Variants in ACVR1C observed in about 807,000 individuals in gnomAD.
The protein encoded by ACVR1C is activin A receptor type 1C, also known as activin receptor type-1C.
In ACVR1C, 23 loss-of-function variants were observed where a neutral mutation model predicts 57.9. The observed-to-expected ratio is 0.40, with a 90% confidence interval of 0.29 to 0.56. The LOEUF is 0.56. Ranked by LOEUF, ACVR1C falls within the 20% of genes least tolerant of loss-of-function variation. The pLI, the probability that ACVR1C is intolerant of heterozygous loss-of-function variation, is 0.50. For missense variants in ACVR1C, 480 were observed against 607.9 expected (o/e 0.79, Z 2.21); for synonymous variants, 214 against 215.3 (o/e 0.99, Z 0.05).
At chr2:157,608,796 G>A (rs1202295849) in intron 1 of ACVR1C, among the ~76,000 whole-genome samples, 2 of 151,734 alleles carry the variant, frequency 1.3e-5, no homozygotes, top group Non-Finnish European at 3.0e-5. Context: ...ATGGTCTTTT[G>A]TATTTTTGTG....
chr2:157,556,146 C>A lies in ACVR1C; in HGVS notation c.491G>T (p.Gly164Val), dbSNP rs1688093955. Reference protein sequence around the residue: ...PLSECNLVNAGKTLKDLIYDV... With the variant: ...PLSECNLVNAVKTLKDLIYDV... ...ATAAATCAGATCTTTCAGAGTTTTT[C>A]CAGCATTTACCAGATTGCACTCAGA... is the stretch of plus-strand genomic sequence containing the variant. The change falls in exon 3 of 9, where the codon GGA becomes GTA. Residue 164 changes from glycine (G) to valine (V), a missense_variant. Gly to Val is a moderately radical substitution (Grantham distance 109). Coordinates refer to ENST00000243349, the MANE Select transcript of ACVR1C (RefSeq NM_145259.3). The A allele has an allele frequency of 6.2e-7, 1 of 1,613,912 alleles. No homozygotes were observed.
Position 157,531,747 on chromosome 2 carries a change from G to A in ACVR1C, c.*2171C>T, listed in dbSNP as rs1484857874. On this transcript the variant is annotated 3_prime_UTR_variant, in exon 9 of 9. Transcript: ENST00000243349. Reference sequence around the variant, plus strand: ...CACATAGGCACTTTTAAAAACTGATGATATATTTAGATTGTCTGTAATATC... The same window carrying A: ...CACATAGGCACTTTTAAAAACTGATAATATATTTAGATTGTCTGTAATATC... 6.6e-6 allele frequency: 1 copy of A among 152,032 alleles called. No homozygotes were observed. Among genetic ancestry groups the A allele is most frequent in the Non-Finnish European group, 1.5e-5 (1 of 67,966 alleles). The allele number at this position is 152,032 out of a possible 1,614,324, so 9.4% of individuals were successfully genotyped here. A position where few individuals can be genotyped will look rare whatever the true frequency, so the allele number is the denominator to read the frequency against.
intron 2 of ACVR1C, among the ~76,000 whole-genome samples, chr2:157,575,039 G>T (rs1316789643): frequency 2.0e-5 from 3 of 152,088 alleles, no homozygotes; most frequent in Non-Finnish European, 4.4e-5. Context: ...ATAGCTCACT[G>T]CAGCCTTGGC....
chr2:157,577,939 G>A (rs1688703612), intron 2 of ACVR1C, among the ~76,000 whole-genome samples: 1 of 152,076 alleles, frequency 6.6e-6, no homozygotes, highest in African/African-American at 2.4e-5. Context: ...GGAGTGCAGT[G>A]GCAGCCAGGT....
chr2:157,610,410 C>T (rs1682506602), intron 1 of ACVR1C, among the ~76,000 whole-genome samples: 1 of 152,064 alleles, frequency 6.6e-6, no homozygotes, highest in Non-Finnish European at 1.5e-5. Flanking sequence ...AAAATTCAGC[C>T]TTTAAAAAGA....
At chr2:157,538,501 T>A (rs1248477908) in intron 8 of ACVR1C, 72 bp downstream of exon 8, 1 of 1,322,744 alleles carries the variant, frequency 7.6e-7, no homozygotes, top group Non-Finnish European at 9.9e-7. Context: ...AACTATATGG[T>A]CTCTGAAAAG....
chr2:157,538,760 T>C (rs1040105126), intron 7 of ACVR1C, 57 bp from the exon 8 acceptor site: 57 of 1,374,358 alleles, frequency 4.1e-5, no homozygotes, highest in Non-Finnish European at 5.2e-5. Flanking sequence ...AACATGTCTA[T>C]TTTAAATAAT....
chr2:157,614,283 C>A lies in ACVR1C; in HGVS notation c.73+14289G>T, dbSNP rs557107109. Among the ~76,000 whole-genome samples the A allele has an allele frequency of 3.9e-5, 6 of 152,192 alleles. 1 individual carries two copies. Among genetic ancestry groups the A allele is most frequent in the African/African-American group, 1.4e-4 (6 of 41,550 alleles). On this transcript the variant is annotated intron_variant, in intron 1 of 8. Coordinates refer to ENST00000243349, the MANE Select transcript of ACVR1C (RefSeq NM_145259.3). ...ATCTAGCTAAGGTGAACCACTTTGA[C>A]CTACAAGTATGTAGAAGTTCATTGC...
chr2:157,589,972 T>A (rs1384403985), intron 1 of ACVR1C, among the ~76,000 whole-genome samples: 1 of 151,820 alleles, frequency 6.6e-6, no homozygotes, highest in Non-Finnish European at 1.5e-5. Flanking sequence ...GAAAAGTGGA[T>A]AGCTACACAT....
chr2:157,573,126 TA>T (rs1688562179), intron 2 of ACVR1C, among the ~76,000 whole-genome samples: 1 of 152,244 alleles, frequency 6.6e-6, no homozygotes, highest in Non-Finnish European at 1.5e-5. Flanking sequence ...CAGTTTGCTT[TA>T]AAATTATTAG....
rs1406536009 is a variant in ACVR1C at position 157,528,764 on chromosome 2, AG to A, written c.*5153del. The A allele has an allele frequency of 1.3e-5, 2 of 152,200 alleles. No homozygotes were observed. Among genetic ancestry groups the A allele is most frequent in the African/African-American group, 4.8e-5 (2 of 41,468 alleles). 9.4% of individuals were successfully genotyped at this position (152,200 alleles called of 1,614,324 possible). The stretch of plus-strand genomic sequence containing the variant: ...AGACATTCTTTATATGTTAGCTAAA[AG>A]CTAGAATACAAATAACAGCTAGTCT... On this transcript the variant is annotated 3_prime_UTR_variant, in exon 9 of 9. Coordinates refer to ENST00000243349, the MANE Select transcript of ACVR1C (RefSeq NM_145259.3).
In ACVR1C at chr2:157,618,485, T is replaced by C. The variant is rs147475480; in HGVS notation, c.73+10087A>G. 6.2e-3 allele frequency among the ~76,000 whole-genome samples: 935 copies of C among 151,786 alleles called. 11 individuals carry two copies. Among genetic ancestry groups the C allele is most frequent in the African/African-American group, 0.021 (861 of 41,506 alleles). ...ATGTGTATGTTGTAAATGCTCCAGT[T>C]AAAAGACAAGTATGTAAGACAGGAT... On this transcript the variant is annotated intron_variant, in intron 1 of 8. Transcript: ENST00000243349.
At chr2:157,550,054 G>C in intron 4 of ACVR1C, 108 bp downstream of exon 4, 1 of 871,088 alleles carries the variant, frequency 1.1e-6, no homozygotes, top group Non-Finnish European at 1.7e-6. Context: ...AAAAGAAGAG[G>C]TGAATTTATT....
rs201807634 is a variant in ACVR1C, at chr2:157,540,207, T to C, written c.1225+883A>G. On this transcript the variant is annotated intron_variant, in intron 7 of 8. Coordinates refer to ENST00000243349, the MANE Select transcript of ACVR1C (RefSeq NM_145259.3). ...TGAAATCAGACATTCAAGGAATTGCTAAACCAACGCTTAGTCCTAAGTCTG... is the reference window on the plus strand; with the variant it reads ...TGAAATCAGACATTCAAGGAATTGCCAAACCAACGCTTAGTCCTAAGTCTG... 1.4e-4 allele frequency among the ~76,000 whole-genome samples: 21 copies of C among 152,350 alleles called. No individual in the cohort carries two copies. The East Asian group carries it at 4.0e-3, about 29-fold the overall frequency.
intron 2 of ACVR1C, among the ~76,000 whole-genome samples, chr2:157,572,051 T>A: frequency 3.7e-5 from 1 of 26,872 alleles, no homozygotes; most frequent in Non-Finnish European, 7.2e-5. Context: ...AAATGATGAG[T>A]TCATGTCCTT....
intron 3 of ACVR1C, among the ~76,000 whole-genome samples, chr2:157,554,027 G>A (rs768763888): frequency 1.3e-5 from 2 of 151,210 alleles, no homozygotes; most frequent in Non-Finnish European, 2.9e-5. Context: ...TGCTAAAAAT[G>A]CAAAAATTAG....
In ACVR1C at chr2:157,588,941, T is replaced by C. The variant is rs771083161; in HGVS notation, c.74-1524A>G. On this transcript the variant is annotated intron_variant, in intron 1 of 8. Coordinates refer to ENST00000243349, the MANE Select transcript of ACVR1C (RefSeq NM_145259.3). ...CACACACACCACATTTTGTATTCAT[T>C]TTTTGTATTCATTTATCGGTTGATG... 6.0e-4 allele frequency among the ~76,000 whole-genome samples: 89 copies of C among 147,350 alleles called. 1 individual carries two copies. Among genetic ancestry groups the C allele is most frequent in the Non-Finnish European group, 1.4e-4 (9 of 65,920 alleles).
At chr2:157,609,161 C>G (rs2198562) in intron 1 of ACVR1C, among the ~76,000 whole-genome samples, 9,704 of 151,610 alleles carry the variant, frequency 0.064, 484 homozygotes, top group East Asian at 0.24. Context: ...TTTTGATATG[C>G]TGTTTTCATT....
intron 2 of ACVR1C, among the ~76,000 whole-genome samples, chr2:157,557,733 A>T (rs910596291): frequency 1.3e-5 from 2 of 152,200 alleles, no homozygotes; most frequent in African/African-American, 4.8e-5. Flanking sequence ...AAATGTGATC[A>T]TTGAAACCAA....
Sources: allele counts gnomAD v4.1 joint callset (sites outside exome capture counted in the v4.1 genomes callset), GRCh38; gene constraint gnomAD v4.1.1; transcripts MANE v1.5; gene names NCBI Gene and HGNC (gene_info 2026-07-23, HGNC 2026-07-21).